Variants in KAT6A observed in about 807,000 individuals in gnomAD.
KAT6A encodes the protein lysine acetyltransferase 6A, also known as histone acetyltransferase KAT6A.
A neutral mutation model predicts 198.4 loss-of-function variants in KAT6A; 9 were observed. That is an observed-to-expected ratio of 0.05 (90% CI 0.03 to 0.08). The LOEUF (loss-of-function observed/expected upper bound fraction) is 0.08, where lower values mean the gene tolerates loss of function less well. KAT6A is among the 10% of genes least tolerant of loss of function. KAT6A has a pLI of 1.00. For missense variants in KAT6A, 2,077 were observed against 2,509.9 expected, an observed-to-expected ratio of 0.83 and a Z score of 3.69; for synonymous variants, 890 against 883.0, an observed-to-expected ratio of 1.01 and a Z score of -0.14.
chr8:41,973,000 T>C (rs1823875232), intron 8 of KAT6A, among the ~76,000 whole-genome samples: 1 of 152,216 alleles, frequency 6.6e-6, no homozygotes, highest in African/African-American at 2.4e-5. Flanking sequence ...AAGGAGAAGT[T>C]AGTAAATGAC....
intron 2 of KAT6A, among the ~76,000 whole-genome samples, chr8:42,027,934 A>C (rs1020751085): frequency 1.3e-5 from 2 of 152,022 alleles, no homozygotes; most frequent in African/African-American, 4.8e-5. Flanking sequence ...CTTCCCTCTT[A>C]ACTCTGCTTT....
At chr8:41,996,934 ATATAT>A (rs1183385389) in intron 2 of KAT6A, among the ~76,000 whole-genome samples, 5 of 152,158 alleles carry the variant, frequency 3.3e-5, no homozygotes, top group East Asian at 1.9e-4. Flanking sequence ...GACATATATT[ATATAT>A]TATATGATTC....
chr8:42,016,585 A>C (rs1042392865), intron 2 of KAT6A, among the ~76,000 whole-genome samples: 1 of 152,232 alleles, frequency 6.6e-6, no homozygotes, highest in African/African-American at 2.4e-5. Context: ...TACAAAAGTC[A>C]AACTGTAATA....
At chr8:42,007,943 C>G (rs1396336843) in intron 2 of KAT6A, among the ~76,000 whole-genome samples, 1 of 110,000 alleles carries the variant, frequency 9.1e-6, no homozygotes, top group African/African-American at 3.7e-5. Context: ...GCCTGGGCGA[C>G]AGAGCGAGAC....
chr8:42,022,309 A>G lies in KAT6A; in HGVS notation c.600+26069T>C, dbSNP rs1277222543. 2.6e-5 allele frequency among the ~76,000 whole-genome samples: 4 copies of G among 152,240 alleles called. No homozygotes were observed. In the East Asian group the frequency reaches 5.8e-4, roughly 22 times the overall value. On this transcript the variant is annotated intron_variant, in intron 2 of 16. Transcript: ENST00000265713. ...ACTGTGGTAAGGTTAACAGAAATTT[A>G]TCAGGTCACTGCTTTCAAATCAGAC... is the stretch of plus-strand genomic sequence containing the variant.
chr8:41,947,270 C>A (rs1822446232), intron 11 of KAT6A, among the ~76,000 whole-genome samples: 1 of 152,222 alleles, frequency 6.6e-6, no homozygotes, highest in South Asian at 2.1e-4. Context: ...GATTTTACCA[C>A]AGGCTTGCTT....
At chr8:41,995,067 T>A (rs1261153629) in intron 2 of KAT6A, among the ~76,000 whole-genome samples, 6 of 150,586 alleles carry the variant, frequency 4.0e-5, no homozygotes, top group East Asian at 3.9e-4. Flanking sequence ...AAAAAAAAAA[T>A]AAAAATAAAA....
chr8:42,027,632 T>C (rs967439311), intron 2 of KAT6A, among the ~76,000 whole-genome samples: 4 of 152,194 alleles, frequency 2.6e-5, no homozygotes, highest in Admixed American at 6.5e-5. Context: ...GTGGTATCAG[T>C]TGTAATGTCT....
At chr8:41,988,803 G>A (rs1381977832) in intron 2 of KAT6A, among the ~76,000 whole-genome samples, 1 of 152,198 alleles carries the variant, frequency 6.6e-6, no homozygotes, top group African/African-American at 2.4e-5. Context: ...GGAAACTGGT[G>A]AGTTCCATTT....
intron 2 of KAT6A, among the ~76,000 whole-genome samples, chr8:42,000,416 T>G (rs1825434592): frequency 6.6e-6 from 1 of 151,880 alleles, no homozygotes; most frequent in South Asian, 2.1e-4. Flanking sequence ...CGGGGTGTGG[T>G]GGCAAGCGCC....
chr8:42,005,042 G>T (rs1265516116), intron 2 of KAT6A, among the ~76,000 whole-genome samples: 1 of 151,906 alleles, frequency 6.6e-6, no homozygotes, highest in Non-Finnish European at 1.5e-5. Flanking sequence ...TCATGTTAAT[G>T]GCTGTGTCAT....
At position 41,933,188 on chromosome 8, in the gene KAT6A, G is replaced by T; in HGVS notation, c.5032C>A (p.Gln1678Lys). 1 of 1,588,258 alleles carries T rather than the reference G, an allele frequency of 6.3e-7. No individual in the cohort carries two copies. ...TGAGGCTGCGGCTGCTGTTGCGGCT[G>T]CTGCTGGGGTGGTGGAGGCTGTGGT... Reference protein sequence around the residue: ...PAPQPPPPQQQPQQQPQPQPQ... With the variant: ...PAPQPPPPQQKPQQQPQPQPQ... The change falls in exon 17 of 17, where the codon CAG (glutamine) becomes AAG (lysine). Residue 1678 changes from glutamine to lysine, a missense_variant. By Grantham distance (53) the Gln-to-Lys change is moderately conservative. Around this residue, in one of 13 missense-constraint regions of KAT6A, gnomAD observed 500 missense variants for 577.2 expected, o/e 0.87. Coordinates refer to ENST00000265713, the MANE Select transcript of KAT6A (RefSeq NM_006766.5). The surrounding 1 kb of genome is among the most constrained non-coding windows in gnomAD (Gnocchi z 6.2).
intron 2 of KAT6A, among the ~76,000 whole-genome samples, chr8:42,015,111 A>G (rs984019157): frequency 6.6e-6 from 1 of 152,232 alleles, no homozygotes; most frequent in Non-Finnish European, 1.5e-5. Flanking sequence ...AGTAGGCTAT[A>G]ATGTCAAAGT....
At chr8:41,994,824 G>C (rs1825116088) in intron 2 of KAT6A, among the ~76,000 whole-genome samples, 1 of 152,140 alleles carries the variant, frequency 6.6e-6, no homozygotes, top group Non-Finnish European at 1.5e-5. Flanking sequence ...TTGGGAGGCT[G>C]AGGCAGGTGG....
intron 2 of KAT6A, among the ~76,000 whole-genome samples, chr8:42,007,610 GT>G (rs1228700306): frequency 2.0e-5 from 3 of 152,130 alleles, no homozygotes; most frequent in African/African-American, 7.2e-5. Flanking sequence ...ATGAAGTTGA[GT>G]TAACTTTAAA....
chr8:42,008,656 ATTT>A (rs969302503), intron 2 of KAT6A, among the ~76,000 whole-genome samples: 1 of 151,660 alleles, frequency 6.6e-6, no homozygotes, highest in Non-Finnish European at 1.5e-5. Flanking sequence ...CTCGAGTGAC[ATTT>A]TTTTAACACT....
At chr8:42,018,945 A>G (rs1191672966) in intron 2 of KAT6A, among the ~76,000 whole-genome samples, 1 of 152,180 alleles carries the variant, frequency 6.6e-6, no homozygotes, top group Non-Finnish European at 1.5e-5. Flanking sequence ...AAAAACAAAC[A>G]AACAAAAAAA....
At chr8:41,948,392 C>A (rs1449372858) in intron 10 of KAT6A, among the ~76,000 whole-genome samples, 1 of 152,156 alleles carries the variant, frequency 6.6e-6, no homozygotes, top group African/African-American at 2.4e-5. Context: ...CCAGATAAAA[C>A]TACTTAAGGG....
At chr8:42,045,603 T>C (rs35716787) in intron 2 of KAT6A, among the ~76,000 whole-genome samples, 24,703 of 150,850 alleles carry the variant, frequency 0.16, 2,752 homozygotes, top group Non-Finnish European at 0.24. Flanking sequence ...ATATGAAAGC[T>C]ATGTAAGCAA....
Sources: gnomAD v4.1 joint callset for allele counts (sites outside exome capture counted in the v4.1 genomes callset) on GRCh38, gnomAD v4.1.1 for gene constraint, gnomAD v4.1.1 regional missense constraint, Gnocchi (gnomAD v3.1) non-coding constraint, MANE v1.5 for transcripts, NCBI Gene and HGNC (gene_info 2026-07-23, HGNC 2026-07-21) for gene names.